SCAMP1: variants seen among roughly 807,000 people sequenced by gnomAD.
The protein encoded by SCAMP1 is secretory carrier membrane protein 1.
SCAMP1 carries 15 observed loss-of-function variants against 41.8 expected under a neutral mutation model. The observed-to-expected ratio is 0.36, with a 90% confidence interval of 0.24 to 0.55. The LOEUF is 0.55. Among genes scored for constraint, SCAMP1 ranks in the 20% least tolerant of loss-of-function variants. The probability of loss-of-function intolerance (pLI) is 0.86; values close to 1 mark genes in which losing one functional copy is unlikely to be tolerated. For synonymous variants in SCAMP1, 135 were observed against 136.8 expected, an observed-to-expected ratio of 0.99 and a Z score of 0.09; for missense variants, 341 against 412.6, an observed-to-expected ratio of 0.83 and a Z score of 1.50.
intron 8 of SCAMP1, among the ~76,000 whole-genome samples, chr5:78,460,801 C>G (rs868332488): frequency 1.5e-5 from 1 of 67,266 alleles, no homozygotes; most frequent in African/African-American, 9.8e-5. Context: ...TCCTTCCTTC[C>G]TTCCTCCCTT....
At chr5:78,470,278 T>G (rs528196774) in intron 8 of SCAMP1, among the ~76,000 whole-genome samples, 1 of 152,246 alleles carries the variant, frequency 6.6e-6, no homozygotes, top group Admixed American at 6.5e-5. Flanking sequence ...TAATGTCTAT[T>G]TCCAGAACTT....
At chr5:78,415,431 A>G (rs1436992558) in intron 2 of SCAMP1, 89 bp from the exon 3 acceptor site, 2 of 765,158 alleles carry the variant, frequency 2.6e-6, no homozygotes, top group African/African-American at 3.5e-5. Context: ...AGATTTTGGG[A>G]TTTTTCATTT....
intron 7 of SCAMP1, among the ~76,000 whole-genome samples, chr5:78,456,942 C>T: frequency 7.4e-6 from 1 of 134,836 alleles, no homozygotes; most frequent in Non-Finnish European, 1.6e-5. Flanking sequence ...ATTTCATCTT[C>T]CATTGCTGAT....
intron 6 of SCAMP1, among the ~76,000 whole-genome samples, chr5:78,423,014 GCGCA>G (rs1752378268): frequency 1.0e-4 from 1 of 9,716 alleles, no homozygotes; most frequent in Non-Finnish European, 2.6e-4. Flanking sequence ...ACACGCGCGC[GCGCA>G]CACACACACA....
intron 6 of SCAMP1, among the ~76,000 whole-genome samples, chr5:78,433,164 A>G (rs1463912288): frequency 3.3e-5 from 5 of 152,172 alleles, no homozygotes; most frequent in Admixed American, 6.5e-5. Context: ...GTCTAAGAAC[A>G]TATTAGTCAA....
intron 6 of SCAMP1, among the ~76,000 whole-genome samples, chr5:78,430,113 T>A (rs1331776570): frequency 5.5e-4 from 38 of 68,800 alleles, no homozygotes; most frequent in Non-Finnish European, 7.8e-4. Context: ...AGTATTTATT[T>A]ATAAATACAG....
At chr5:78,411,202 A>G (rs1158807879) in intron 2 of SCAMP1, among the ~76,000 whole-genome samples, 3 of 151,994 alleles carry the variant, frequency 2.0e-5, no homozygotes, top group African/African-American at 7.3e-5. Context: ...TTGTCATGAA[A>G]TCTTTGCCCG....
At chr5:78,367,606 T>C (rs1262111585) in intron 1 of SCAMP1, among the ~76,000 whole-genome samples, 1 of 152,174 alleles carries the variant, frequency 6.6e-6, no homozygotes, top group African/African-American at 2.4e-5. Flanking sequence ...ATTCTGTTGG[T>C]CAAAACAAGG....
intron 1 of SCAMP1, among the ~76,000 whole-genome samples, chr5:78,368,221 T>C (rs1043601000): frequency 3.3e-5 from 5 of 152,222 alleles, no homozygotes; most frequent in African/African-American, 1.2e-4. Context: ...ATTCTTCAGA[T>C]GTTTAGAAAA....
chr5:78,469,930 A>AAAAAAAAAAAAAAAAAAAAAAAAC (rs1753842741), intron 8 of SCAMP1, among the ~76,000 whole-genome samples: 1 of 21,056 alleles, frequency 4.7e-5, no homozygotes, highest in African/African-American at 3.0e-4. Flanking sequence ...AAAAAAAAAA[A>AAAAAAAAAAAAAAAAAAAAAAAAC]AACAACAACA....
At chr5:78,362,249 T>G (rs1057400042) in intron 1 of SCAMP1, among the ~76,000 whole-genome samples, 3 of 152,242 alleles carry the variant, frequency 2.0e-5, no homozygotes, top group Non-Finnish European at 4.4e-5. Context: ...ATCAAGAACC[T>G]TTTAGCCTTT....
chr5:78,454,087 G>T (rs940587428), intron 7 of SCAMP1, among the ~76,000 whole-genome samples: 5 of 152,210 alleles, frequency 3.3e-5, no homozygotes, highest in African/African-American at 1.2e-4. Context: ...TTTGGGCTGA[G>T]ACAGTGGGGT....
intron 6 of SCAMP1, among the ~76,000 whole-genome samples, chr5:78,443,874 C>T (rs1752989873): frequency 6.6e-6 from 1 of 151,958 alleles, no homozygotes; most frequent in Non-Finnish European, 1.5e-5. Context: ...CCACGCTGGT[C>T]TTGAACTCCT....
chr5:78,388,144 A>T (rs1024068598), intron 1 of SCAMP1, among the ~76,000 whole-genome samples: 8 of 152,220 alleles, frequency 5.3e-5, no homozygotes, highest in African/African-American at 1.7e-4. Context: ...TTCACGATGT[A>T]GGTCTCCACG....
intron 1 of SCAMP1, among the ~76,000 whole-genome samples, chr5:78,364,431 C>T (rs1334565045): frequency 6.6e-6 from 1 of 152,158 alleles, no homozygotes; most frequent in Non-Finnish European, 1.5e-5. Flanking sequence ...TAGAATTTCA[C>T]AGCTGGGGGG....
intron 6 of SCAMP1, among the ~76,000 whole-genome samples, chr5:78,438,629 T>C (rs1318753151): frequency 1.3e-5 from 2 of 152,208 alleles, no homozygotes; most frequent in African/African-American, 2.4e-5. Context: ...GTGCTTTACT[T>C]CCAATTCTGT....
Position 78,463,301 on chromosome 5 carries a change from A to G in SCAMP1, c.852+3939A>G, listed in dbSNP as rs144791887. On this transcript the variant is annotated intron_variant, in intron 8 of 8. Transcript: ENST00000621999. The stretch of plus-strand genomic sequence containing the variant: ...TTCTAATTCTCTTGACTCTCTGGCT[A>G]TTCTTTCTCCTCCATTTCTTCATCC... 1.9e-3 allele frequency among the ~76,000 whole-genome samples: 293 copies of G among 152,298 alleles called. 7 individuals are homozygous for G. In the East Asian group the frequency reaches 0.044, roughly 23 times the overall value.
At chr5:78,445,065 C>T (rs144967591) in intron 6 of SCAMP1, among the ~76,000 whole-genome samples, 5 of 152,302 alleles carry the variant, frequency 3.3e-5, no homozygotes, top group African/African-American at 7.2e-5. Flanking sequence ...TGTGTCCCCC[C>T]ATCTTAGCCC....
intron 7 of SCAMP1, among the ~76,000 whole-genome samples, chr5:78,456,482 T>C (rs1022628734): frequency 2.0e-4 from 30 of 152,056 alleles, no homozygotes; most frequent in African/African-American, 6.8e-4. Flanking sequence ...GGGTTGAAAA[T>C]TCTTTTCTTT....
Sources: allele counts gnomAD v4.1 joint callset (sites outside exome capture counted in the v4.1 genomes callset), GRCh38; gene constraint gnomAD v4.1.1; transcripts MANE v1.5; gene names NCBI Gene and HGNC (gene_info 2026-07-23, HGNC 2026-07-21).